Variants in ARFGEF1 observed in about 807,000 individuals in gnomAD.
ARFGEF1 encodes the protein ARF guanine nucleotide exchange factor 1.
Under a neutral mutation model 231.0 loss-of-function variants are expected in ARFGEF1, and 42 were observed. The ratio of observed to expected loss-of-function variants is 0.18; its 90% CI spans 0.14 to 0.24. ARFGEF1 has a LOEUF of 0.24. ARFGEF1 is among the 10% of genes least tolerant of loss of function. The pLI is 1.00. For missense variants in ARFGEF1, 1,345 were observed against 2,192.0 expected (o/e 0.61, Z 7.72); for synonymous variants, 710 against 732.3 (o/e 0.97, Z 0.49).
chr8:67,263,678 A>C (rs943863346), intron 14 of ARFGEF1, among the ~76,000 whole-genome samples: 15 of 152,098 alleles, frequency 9.9e-5, no homozygotes, highest in African/African-American at 3.6e-4. Flanking sequence ...AACCATAACC[A>C]CTTAACATTC....
rs1019999701 is a variant in ARFGEF1, at chr8:67,251,449, A to G, written c.2700T>C (p.Asn900=). The change falls in exon 19 of 39, where the codon AAT becomes AAC. Residue 900 remains asparagine (N), a splice_region_variant and synonymous_variant. Transcript: ENST00000262215. The part of the protein sequence containing the change: ...LTIPTKSSKQ[N]VASEKQRRLL... ...GTCTTCTTTGTTTTTCACTGGCTAC[A>G]TCTGAAACAATAAACACTATCAGCA... 6.3e-7 allele frequency: 1 copy of G among 1,595,886 alleles called. No homozygotes were observed. The highest frequency in any genetic ancestry group is 8.5e-7 in the Non-Finnish European group (1 of 1,172,958).
chr8:67,286,066 C>T (rs1017681707), intron 7 of ARFGEF1, among the ~76,000 whole-genome samples: 21 of 152,024 alleles, frequency 1.4e-4, no homozygotes, highest in African/African-American at 4.3e-4. Context: ...TTCTTGAAAT[C>T]GTGTTAATTT....
intron 1 of ARFGEF1, among the ~76,000 whole-genome samples, chr8:67,317,668 T>G (rs1349268408): frequency 6.7e-6 from 1 of 149,898 alleles, no homozygotes; most frequent in Non-Finnish European, 1.5e-5. Context: ...CCCAGCACTT[T>G]GGGAGGCTGA....
chr8:67,296,200 T>C (rs1806225290), intron 5 of ARFGEF1, among the ~76,000 whole-genome samples: 1 of 152,212 alleles, frequency 6.6e-6, no homozygotes, highest in Admixed American at 6.5e-5. Context: ...AATCAGCATA[T>C]TTCACATACT....
chr8:67,300,660 CAAAAAAAAA>C (rs200434355), intron 3 of ARFGEF1, among the ~76,000 whole-genome samples: 1,150 of 88,664 alleles, frequency 0.013, 24 homozygotes, highest in African/African-American at 0.041. Context: ...CTTGTCTCTT[CAAAAAAAAA>C]AAAAAAAAAA....
rs548550010 is a variant in ARFGEF1 at position 67,314,328 on chromosome 8, A to G, written c.125-11862T>C. Among the ~76,000 whole-genome samples the G allele has an allele frequency of 2.0e-5, 3 of 152,208 alleles. No homozygotes were observed. In the South Asian group the frequency reaches 6.2e-4, roughly 32 times the overall value. On this transcript the variant is annotated intron_variant, in intron 1 of 38. Coordinates refer to ENST00000262215, the MANE Select transcript of ARFGEF1 (RefSeq NM_006421.5). ...AATTGCTACAAAATTCAGCTAGAGA[A>G]TTCCTTCTCCCTGTGGAGTTTTACC...
intron 5 of ARFGEF1, among the ~76,000 whole-genome samples, chr8:67,294,923 G>A (rs573418161): frequency 6.6e-6 from 1 of 152,230 alleles, no homozygotes; most frequent in Non-Finnish European, 1.5e-5. Context: ...TTCCAAGGCT[G>A]AAGCTGGGAA....
intron 22 of ARFGEF1, among the ~76,000 whole-genome samples, chr8:67,235,153 A>T (rs1296425424): frequency 6.7e-6 from 1 of 149,570 alleles, no homozygotes; most frequent in Admixed American, 6.7e-5. Flanking sequence ...ATATTTAAAT[A>T]TAATTTAAAA....
intron 1 of ARFGEF1, among the ~76,000 whole-genome samples, chr8:67,312,341 G>T (rs1476616634): frequency 6.6e-6 from 1 of 151,146 alleles, no homozygotes; most frequent in Non-Finnish European, 1.5e-5. Flanking sequence ...ACATAATATC[G>T]ATAGAAGAAA....
In ARFGEF1 at chr8:67,258,092, T is replaced by A; in HGVS notation, c.2434A>T (p.Asn812Tyr). ...CATTTGAACCTTATTTACCCTTGGT[T>A]GCATTCTAGGTATCTTGCAGCAAAT... ...EKFAARYLEC[N>Y]QGQTLFASAD... Residue 812 changes from asparagine (N) to tyrosine (Y), a missense_variant, in exon 16 of 39, where the codon AAC becomes TAC. Around this residue, in one of 14 missense-constraint regions of ARFGEF1, gnomAD observed 58 missense variants for 133.6 expected, o/e 0.43. Coordinates refer to ENST00000262215, the MANE Select transcript of ARFGEF1 (RefSeq NM_006421.5). 2 of 1,612,118 alleles carry A rather than the reference T, an allele frequency of 1.2e-6. No individual in the cohort carries two copies. Among genetic ancestry groups the A allele is most frequent in the Non-Finnish European group, 1.7e-6 (2 of 1,178,184 alleles).
chr8:67,271,057 A>G (rs1449309557), intron 10 of ARFGEF1, among the ~76,000 whole-genome samples: 4 of 150,332 alleles, frequency 2.7e-5, no homozygotes, highest in East Asian at 1.9e-4. Context: ...AAAAGAAAAA[A>G]AAAAAAAGAA....
chr8:67,180,183 T>G (rs1350321503), intron 5 of ARFGEF1, among the ~76,000 whole-genome samples: 1 of 152,202 alleles, frequency 6.6e-6, no homozygotes, highest in African/African-American at 2.4e-5. Flanking sequence ...TGCCAAATGC[T>G]GGAATCAGCC....
rs1167222689 is a variant in ARFGEF1, at chr8:67,276,009, A to G, written c.1304T>C (p.Met435Thr). ...LVFRSLCKLS[M>T]KPLSDGPPDP... ...TGGTGGTCCATCTGACAGTGGTTTC[A>G]TTGACAGTTTACACAATGACCTGAA... Residue 435 changes from methionine (M) to threonine (T), a missense_variant, in exon 9 of 39, where the codon ATG becomes ACG. By Grantham distance (81) the Met-to-Thr change is moderately conservative (BLOSUM62 -1). Coordinates refer to ENST00000262215, the MANE Select transcript of ARFGEF1 (RefSeq NM_006421.5). The G allele has an allele frequency of 1.2e-6, 2 of 1,613,480 alleles. No homozygotes were observed.
chr8:67,251,560 G>A, intron 18 of ARFGEF1, 110 bp from the exon 19 acceptor site: 1 of 1,075,092 alleles, frequency 9.3e-7, no homozygotes, highest in East Asian at 2.8e-5. Context: ...GTAATCCTAA[G>A]AAGCAAGACA....
intron 30 of ARFGEF1, 93 bp from the exon 31 acceptor site, chr8:67,218,231 TATA>T (rs1839022892): frequency 4.2e-6 from 1 of 240,946 alleles, no homozygotes; most frequent in African/African-American, 2.6e-5. Flanking sequence ...TATATATATA[TATA>T]AATGTTTTCA....
chr8:67,298,918 A>T (rs969768142), intron 4 of ARFGEF1, among the ~76,000 whole-genome samples: 4 of 152,146 alleles, frequency 2.6e-5, no homozygotes, highest in African/African-American at 9.7e-5. Flanking sequence ...GGTGCCCACC[A>T]TCATGCCCAG....
At chr8:67,269,632 T>C (rs1804991886) in intron 10 of ARFGEF1, among the ~76,000 whole-genome samples, 1 of 152,154 alleles carries the variant, frequency 6.6e-6, no homozygotes, top group Non-Finnish European at 1.5e-5. Context: ...ATTACAGGTG[T>C]GAGCCACTGT....
Position 67,271,671 on chromosome 8 carries a change from T to C in ARFGEF1, c.1572+31A>G, listed in dbSNP as rs199655384. ...AACATGAAACAAATGAAATATCCAA[T>C]AGTAACATTATGCCTAAATGCAAAA... On this transcript the variant is annotated intron_variant, in intron 10 of 38. Transcript: ENST00000262215. 112 of 1,423,124 alleles carry C rather than the reference T, an allele frequency of 7.9e-5. No individual in the cohort carries two copies. The East Asian group carries it at 1.2e-3, about 15-fold the overall frequency. The allele number at this position is 1,423,124 out of a possible 1,614,324, so 88.2% of individuals were successfully genotyped here.
intron 28 of ARFGEF1, 41 bp from the exon 29 acceptor site, chr8:67,225,074 C>T: frequency 6.4e-7 from 1 of 1,554,028 alleles, no homozygotes. Context: ...CAAAACATAA[C>T]ACCCATACAT....
Sources: allele counts gnomAD v4.1 joint callset (sites outside exome capture counted in the v4.1 genomes callset), GRCh38; gene constraint gnomAD v4.1.1; regional missense constraint gnomAD v4.1.1; transcripts MANE v1.5; gene names NCBI Gene and HGNC (gene_info 2026-07-23, HGNC 2026-07-21).